Variants in ATRNL1 observed in about 807,000 individuals in gnomAD.
ATRNL1 encodes the protein attractin like 1, also known as attractin-like protein 1.
A neutral mutation model predicts 182.7 loss-of-function variants in ATRNL1; 95 were observed. The ratio of observed to expected loss-of-function variants is 0.52; its 90% CI spans 0.44 to 0.62. The LOEUF (loss-of-function observed/expected upper bound fraction) is 0.62. Ranked by LOEUF, ATRNL1 falls within the 20% of genes least tolerant of loss-of-function variation. The probability of loss-of-function intolerance (pLI) is 0.00; values close to 1 mark genes in which losing one functional copy is unlikely to be tolerated. For missense variants in ATRNL1, 1,471 were observed against 1,679.5 expected (o/e 0.88, Z 2.17); for synonymous variants, 576 against 568.3 (o/e 1.01, Z -0.19).
At chr10:115,673,968 A>G (rs1945781490) in intron 26 of ATRNL1, among the ~76,000 whole-genome samples, 1 of 152,082 alleles carries the variant, frequency 6.6e-6, no homozygotes, top group African/African-American at 2.4e-5. Flanking sequence ...CCCAGGCTAC[A>G]TAAAAAGGCT....
At chr10:115,742,051 A>G (rs1458114619) in intron 27 of ATRNL1, among the ~76,000 whole-genome samples, 3 of 152,208 alleles carry the variant, frequency 2.0e-5, no homozygotes, top group Admixed American at 2.0e-4. Context: ...GAATTTGGTA[A>G]TTATGCAGTC....
At chr10:115,239,520 C>T (rs941060566) in intron 9 of ATRNL1, among the ~76,000 whole-genome samples, 2 of 152,104 alleles carry the variant, frequency 1.3e-5, no homozygotes, top group East Asian at 1.9e-4. Context: ...GCATGAGCAC[C>T]GCGCCCGGCC....
chr10:115,670,365 TATTTC>T (rs1356850870), intron 26 of ATRNL1, among the ~76,000 whole-genome samples: 12 of 152,164 alleles, frequency 7.9e-5, no homozygotes, highest in Non-Finnish European at 1.5e-4. Flanking sequence ...GTTATTAATG[TATTTC>T]ATTTCATTTT....
At position 115,111,572 on chromosome 10, in the gene ATRNL1, A is replaced by G. The variant is rs1420228531; in HGVS notation, c.294-8613A>G. ...GGTGGGAGCGGCCAGGCCCTTTTTC[A>G]TAACCAACTCTCTCAGGAACTAATA... On this transcript the variant is annotated intron_variant, in intron 1 of 28. Transcript: ENST00000355044. 2.0e-5 allele frequency among the ~76,000 whole-genome samples: 3 copies of G among 152,194 alleles called. No homozygotes were observed. The East Asian group carries it at 5.8e-4, about 29-fold the overall frequency.
At chr10:115,480,024 GAAT>G (rs1848694778) in intron 24 of ATRNL1, among the ~76,000 whole-genome samples, 1 of 151,212 alleles carries the variant, frequency 6.6e-6, no homozygotes, top group Non-Finnish European at 1.5e-5. Context: ...TTTTTAATGA[GAAT>G]GATGCTAGGA....
chr10:115,651,352 C>A (rs1565250427), intron 26 of ATRNL1, among the ~76,000 whole-genome samples: 1 of 151,724 alleles, frequency 6.6e-6, no homozygotes, highest in Non-Finnish European at 1.5e-5. Context: ...GCACATATGC[C>A]CCTTAAATCT....
intron 19 of ATRNL1, among the ~76,000 whole-genome samples, chr10:115,341,819 T>C (rs556907478): frequency 3.9e-5 from 6 of 152,264 alleles, no homozygotes; most frequent in African/African-American, 1.4e-4. Flanking sequence ...TTTTGTTTGA[T>C]GTAAGTATAG....
At chr10:115,882,557 C>G (rs1589644933) in intron 28 of ATRNL1, among the ~76,000 whole-genome samples, 1 of 152,246 alleles carries the variant, frequency 6.6e-6, no homozygotes, top group East Asian at 1.9e-4. Flanking sequence ...GAAAAATTTT[C>G]CACTCTCCAG....
At chr10:115,408,555 A>G (rs1006715759) in intron 20 of ATRNL1, among the ~76,000 whole-genome samples, 7 of 152,160 alleles carry the variant, frequency 4.6e-5, no homozygotes, top group African/African-American at 1.7e-4. Flanking sequence ...TTTGCTGTGC[A>G]GAAGTTTTTT....
chr10:115,267,734 T>C (rs1042231499), intron 12 of ATRNL1, among the ~76,000 whole-genome samples: 1 of 152,280 alleles, frequency 6.6e-6, no homozygotes, highest in Admixed American at 6.5e-5. Flanking sequence ...GTAAAATATA[T>C]GTAAATCCTT....
chr10:115,386,388 C>T (rs1435272371), intron 19 of ATRNL1, among the ~76,000 whole-genome samples: 2 of 152,160 alleles, frequency 1.3e-5, no homozygotes, highest in African/African-American at 4.8e-5. Context: ...GATCCTTGAC[C>T]TGGCGACGGA....
chr10:115,603,261 C>A (rs1363897566), intron 26 of ATRNL1, among the ~76,000 whole-genome samples: 2 of 152,110 alleles, frequency 1.3e-5, no homozygotes, highest in African/African-American at 4.8e-5. Flanking sequence ...TCATGACCAG[C>A]CCTCCTGAAG....
At chr10:115,717,752 A>C (rs1555056712) in intron 26 of ATRNL1, among the ~76,000 whole-genome samples, 7 of 151,668 alleles carry the variant, frequency 4.6e-5, no homozygotes, top group Non-Finnish European at 1.5e-5. Flanking sequence ...GGATTTCACC[A>C]TGTCAGTTGG....
At chr10:115,556,950 C>A (rs1554997184) in intron 26 of ATRNL1, among the ~76,000 whole-genome samples, 1 of 151,364 alleles carries the variant, frequency 6.6e-6, no homozygotes, top group Non-Finnish European at 1.5e-5. Flanking sequence ...TATACAAAAT[C>A]AGAATTTCTG....
intron 26 of ATRNL1, among the ~76,000 whole-genome samples, chr10:115,661,834 A>G (rs1555037935): frequency 3.9e-5 from 6 of 152,060 alleles, no homozygotes; most frequent in Admixed American, 3.3e-4. Flanking sequence ...GGTTAGTTAC[A>G]TATGTATACC....
rs74605082 is a variant in ATRNL1 at position 115,197,438 on chromosome 10, T to C, written c.1349-18259T>C. ...TTATGTAGAATTGATATTATTTCTG[T>C]CTTAAATGGTTGATAGAATTTGATC... is the stretch of plus-strand genomic sequence containing the variant. On this transcript the variant is annotated intron_variant, in intron 8 of 28. Transcript: ENST00000355044. 8.4e-3 allele frequency among the ~76,000 whole-genome samples: 1,282 copies of C among 152,276 alleles called. 15 individuals are homozygous for C. The highest frequency in any genetic ancestry group is 0.028 in the African/African-American group (1,174 of 41,572).
chr10:115,400,249 CAA>C (rs1844502487), intron 20 of ATRNL1, among the ~76,000 whole-genome samples: 1 of 151,894 alleles, frequency 6.6e-6, no homozygotes, highest in Non-Finnish European at 1.5e-5. Context: ...AAAATTAACT[CAA>C]GTTGGATTAA....
intron 10 of ATRNL1, among the ~76,000 whole-genome samples, chr10:115,250,393 G>A (rs1850824702): frequency 6.6e-6 from 1 of 152,144 alleles, no homozygotes; most frequent in East Asian, 1.9e-4. Context: ...TTTCACTGGG[G>A]CTTGCCATAA....
intron 10 of ATRNL1, among the ~76,000 whole-genome samples, chr10:115,264,453 C>A (rs141316483): frequency 5.9e-5 from 9 of 151,670 alleles, no homozygotes; most frequent in Non-Finnish European, 1.2e-4. Context: ...ATAAATATGA[C>A]ATTTCTAAGA....
Sources: allele counts gnomAD v4.1 joint callset (sites outside exome capture counted in the v4.1 genomes callset), GRCh38; gene constraint gnomAD v4.1.1; transcripts MANE v1.5; gene names NCBI Gene and HGNC (gene_info 2026-07-23, HGNC 2026-07-21).